The following GRAMD2B variants were observed in gnomAD, a reference collection of about 807,000 sequenced individuals.
The protein encoded by GRAMD2B is GRAM domain-containing protein 2B.
A neutral mutation model predicts 59.2 loss-of-function variants in GRAMD2B; 41 were observed. That is an observed-to-expected ratio of 0.69 (90% CI 0.54 to 0.90). The LOEUF is 0.90. GRAMD2B is among the 40% of genes least tolerant of loss of function. The pLI, the probability that GRAMD2B is intolerant of heterozygous loss-of-function variation, is 0.00. For missense variants in GRAMD2B, 424 were observed against 500.5 expected, an observed-to-expected ratio of 0.85 and a Z score of 1.46; for synonymous variants, 161 against 182.7, an observed-to-expected ratio of 0.88 and a Z score of 0.96.
intron 1 of GRAMD2B, among the ~76,000 whole-genome samples, chr5:126,403,952 A>G (rs1378328121): frequency 6.6e-6 from 1 of 151,950 alleles, no homozygotes; most frequent in Non-Finnish European, 1.5e-5. Flanking sequence ...ATCTTAATAC[A>G]GATGAAATTT....
chr5:126,435,254 T>C (rs558574682), intron 1 of GRAMD2B, among the ~76,000 whole-genome samples: 6 of 152,258 alleles, frequency 3.9e-5, no homozygotes, highest in African/African-American at 1.2e-4. Flanking sequence ...GCTGTGAGGA[T>C]AGAGATGTAG....
At chr5:126,437,861 C>A (rs1415560329) in intron 1 of GRAMD2B, among the ~76,000 whole-genome samples, 3 of 152,186 alleles carry the variant, frequency 2.0e-5, no homozygotes, top group Non-Finnish European at 4.4e-5. Context: ...GAGGGCCAGA[C>A]TCTGCAGGCT....
At chr5:126,472,867 TG>T (rs1769887398) in intron 4 of GRAMD2B, among the ~76,000 whole-genome samples, 1 of 152,054 alleles carries the variant, frequency 6.6e-6, no homozygotes. Flanking sequence ...ACAGGAGGTG[TG>T]GGTTATGTGC....
At chr5:126,364,920 G>A (rs1754372964) in intron 1 of GRAMD2B, among the ~76,000 whole-genome samples, 1 of 152,144 alleles carries the variant, frequency 6.6e-6, no homozygotes, top group Non-Finnish European at 1.5e-5. Flanking sequence ...GGTGTGGGAG[G>A]GAACAGAGAA....
chr5:126,392,299 T>A (rs377052374), intron 1 of GRAMD2B, among the ~76,000 whole-genome samples: 1 of 152,124 alleles, frequency 6.6e-6, no homozygotes, highest in African/African-American at 2.4e-5. Flanking sequence ...AGTGACATAG[T>A]AAGGTGGATC....
At chr5:126,377,062 C>A (rs1237357417) in intron 1 of GRAMD2B, among the ~76,000 whole-genome samples, 1 of 150,634 alleles carries the variant, frequency 6.6e-6, no homozygotes, top group Non-Finnish European at 1.5e-5. Flanking sequence ...GACCTCTGGT[C>A]TCTTTCCCAG....
chr5:126,364,283 C>T (rs1351407398), intron 1 of GRAMD2B, among the ~76,000 whole-genome samples: 1 of 152,102 alleles, frequency 6.6e-6, no homozygotes, highest in Non-Finnish European at 1.5e-5. Flanking sequence ...ATTTTTTAAA[C>T]AAAGTATGTA....
intron 1 of GRAMD2B, among the ~76,000 whole-genome samples, chr5:126,456,406 G>T (rs142210987): frequency 0.023 from 3,546 of 151,930 alleles, 66 homozygotes; most frequent in Middle Eastern, 0.054. Flanking sequence ...TAGAGATGGG[G>T]TCTCCCTATG....
At chr5:126,473,182 T>A (rs752512417) in intron 4 of GRAMD2B, 83 bp from the exon 5 acceptor site, 5 of 474,612 alleles carry the variant, frequency 1.1e-5, no homozygotes, top group African/African-American at 2.0e-5. Flanking sequence ...TCTCTGCCCA[T>A]CCTTGAGTCA....
At chr5:126,434,819 T>C (rs1401559717) in intron 1 of GRAMD2B, among the ~76,000 whole-genome samples, 1 of 152,164 alleles carries the variant, frequency 6.6e-6, no homozygotes, top group Non-Finnish European at 1.5e-5. Context: ...GCCCAGCCGA[T>C]AATTATCAAT....
intron 1 of GRAMD2B, among the ~76,000 whole-genome samples, chr5:126,386,579 T>C (rs993683885): frequency 6.6e-6 from 1 of 152,154 alleles, no homozygotes; most frequent in Admixed American, 6.5e-5. Flanking sequence ...CTGGGGACCA[T>C]CATGGAGGCT....
chr5:126,483,683 G>T lies in GRAMD2B; in HGVS notation c.847+109G>T, dbSNP rs1034654773. On this transcript the variant is annotated intron_variant, in intron 9 of 13. Coordinates refer to ENST00000285689, the MANE Select transcript of GRAMD2B (RefSeq NM_023927.4). ...GAAAAGAAAGAAAAAAACCCACATT[G>T]TCTTCCTAGTTAAAAATCAGGAATG... is the stretch of plus-strand genomic sequence containing the variant. 1.2e-4 allele frequency: 75 copies of T among 617,264 alleles called. 1 individual carries two copies. The highest frequency in any genetic ancestry group is 8.7e-4 in the South Asian group (40 of 46,140). The allele number at this position is 617,264 out of a possible 1,614,324, so 38.2% of individuals were successfully genotyped here.
At chr5:126,411,373 T>G (rs1302395478) in intron 1 of GRAMD2B, among the ~76,000 whole-genome samples, 1 of 152,106 alleles carries the variant, frequency 6.6e-6, no homozygotes, top group African/African-American at 2.4e-5. Flanking sequence ...CTTTCCCCAT[T>G]GCTTATTTTT....
intron 1 of GRAMD2B, among the ~76,000 whole-genome samples, chr5:126,443,042 A>G (rs921563950): frequency 6.6e-6 from 1 of 152,146 alleles, no homozygotes; most frequent in African/African-American, 2.4e-5. Flanking sequence ...TATCAGTAGT[A>G]CTGATAAATT....
At chr5:126,410,258 G>C (rs1234817175) in intron 1 of GRAMD2B, among the ~76,000 whole-genome samples, 1 of 151,840 alleles carries the variant, frequency 6.6e-6, no homozygotes, top group Non-Finnish European at 1.5e-5. Context: ...GGATGGCATT[G>C]AATCTATAAA....
intron 1 of GRAMD2B, among the ~76,000 whole-genome samples, chr5:126,447,528 G>C (rs1168344507): frequency 6.6e-6 from 1 of 152,106 alleles, no homozygotes; most frequent in African/African-American, 2.4e-5. Flanking sequence ...GCCGGGCGTG[G>C]TGGCGGGCGC....
chr5:126,408,128 T>C (rs953540562), intron 1 of GRAMD2B, among the ~76,000 whole-genome samples: 1 of 151,986 alleles, frequency 6.6e-6, no homozygotes, highest in Non-Finnish European at 1.5e-5. Context: ...TAGTCCCCAG[T>C]GTCCACTGTT....
intron 1 of GRAMD2B, among the ~76,000 whole-genome samples, chr5:126,447,083 C>G (rs549668394): frequency 4.6e-5 from 7 of 152,152 alleles, no homozygotes; most frequent in Non-Finnish European, 1.0e-4. Context: ...AAAGCTCCCT[C>G]GATGGAAATG....
intron 1 of GRAMD2B, among the ~76,000 whole-genome samples, chr5:126,462,142 G>C (rs1358668827): frequency 1.3e-5 from 2 of 152,116 alleles, no homozygotes; most frequent in African/African-American, 4.8e-5. Flanking sequence ...TTTTTGGTTT[G>C]TTTTTTCAGT....
Sources: allele counts gnomAD v4.1 joint callset (sites outside exome capture counted in the v4.1 genomes callset), GRCh38; gene constraint gnomAD v4.1.1; transcripts MANE v1.5; gene names NCBI Gene and HGNC (gene_info 2026-07-23, HGNC 2026-07-21).